SH3GL3: variants seen among roughly 807,000 people sequenced by gnomAD.
The protein encoded by SH3GL3 is endophilin-A3.
In SH3GL3, 33 loss-of-function variants were observed where a neutral mutation model predicts 47.7. That is an observed-to-expected ratio of 0.69 (90% confidence interval 0.52 to 0.92). The LOEUF (loss-of-function observed/expected upper bound fraction) is 0.92. Ranked by LOEUF, SH3GL3 falls within the 40% of genes least tolerant of loss-of-function variation. SH3GL3 has a pLI of 0.00. For missense variants in SH3GL3, 363 were observed against 417.8 expected (o/e 0.87, Z 1.14); for synonymous variants, 155 against 148.8 (o/e 1.04, Z -0.30).
intron 1 of SH3GL3, among the ~76,000 whole-genome samples, chr15:83,514,272 A>T (rs2042890271): frequency 6.6e-6 from 1 of 152,224 alleles, no homozygotes; most frequent in South Asian, 2.1e-4. Flanking sequence ...TCCCACTGGC[A>T]ATTCAGCCCT....
At position 83,576,844 on chromosome 15, in the gene SH3GL3, A is replaced by G. The variant is rs975903800; in HGVS notation, c.624+103A>G. On this transcript the variant is annotated intron_variant, in intron 6 of 8. Transcript: ENST00000427482. ...AAAAACTCTAAAGCAGGAGTGTCCA[A>G]TCTTTTGGCTTCCCTGGGCCACACA... is the stretch of plus-strand genomic sequence containing the variant. 3.2e-5 allele frequency: 23 copies of G among 724,866 alleles called. No individual in the cohort carries two copies. In the East Asian group the frequency reaches 4.7e-4, roughly 15 times the overall value. The allele number at this position is 724,866 out of a possible 1,614,324, so 44.9% of individuals were successfully genotyped here.
At position 83,591,820 on chromosome 15, in the gene SH3GL3, A is replaced by G. The variant is rs566086528; in HGVS notation, c.838+3049A>G. Among the ~76,000 whole-genome samples, 284 of 152,220 alleles carry G rather than the reference A, an allele frequency of 1.9e-3. 3 individuals are homozygous for G. The highest frequency in any genetic ancestry group is 3.0e-3 in the Non-Finnish European group (202 of 67,994). ...CCTGCCTCGGCCCCCCGAGTAGCTG[A>G]GACTACAGGCGCCCGATACCGTGCC... On this transcript the variant is annotated intron_variant, in intron 8 of 8. Coordinates refer to ENST00000427482, the MANE Select transcript of SH3GL3 (RefSeq NM_003027.5).
chr15:83,573,904 A>C (rs1312940801), intron 5 of SH3GL3, among the ~76,000 whole-genome samples: 1 of 152,254 alleles, frequency 6.6e-6, no homozygotes, highest in East Asian at 1.9e-4. Context: ...AAGTAAACAG[A>C]TACCATGCAC....
At chr15:83,624,496 A>T in the SH3GL3 span, among the ~76,000 whole-genome samples, 1 of 152,228 alleles carries the variant, frequency 6.6e-6, no homozygotes, top group African/African-American at 2.4e-5. Context: ...ACGGGGACAA[A>T]TATTAACATC....
chr15:83,575,151 A>C (rs1457355998), intron 5 of SH3GL3, among the ~76,000 whole-genome samples: 1 of 152,198 alleles, frequency 6.6e-6, no homozygotes, highest in Non-Finnish European at 1.5e-5. Context: ...ATTCTAGAGA[A>C]GTGACAGTCT....
At chr15:83,561,349 A>G (rs1380779250) in intron 2 of SH3GL3, among the ~76,000 whole-genome samples, 1 of 151,398 alleles carries the variant, frequency 6.6e-6, no homozygotes, top group Non-Finnish European at 1.5e-5. Flanking sequence ...ATGTAAAAAT[A>G]ATTCTTAGTT....
chr15:83,457,024 A>G (rs2040023744), intron 1 of SH3GL3, among the ~76,000 whole-genome samples: 1 of 152,148 alleles, frequency 6.6e-6, no homozygotes, highest in Admixed American at 6.5e-5. Flanking sequence ...AGCTTACAAT[A>G]TTTACATTTG....
In SH3GL3 at chr15:83,556,257, A is replaced by G. The variant is rs2065419010; in HGVS notation, c.46-2996A>G. 2.0e-5 allele frequency among the ~76,000 whole-genome samples: 3 copies of G among 152,228 alleles called. No individual in the cohort carries two copies. The South Asian group carries it at 6.2e-4, about 31-fold the overall frequency. ...GATGCTCAACAAACAATATTTGTTCATTGACTGACCTCTGAAATATAATTA... is the reference window on the plus strand; with the variant it reads ...GATGCTCAACAAACAATATTTGTTCGTTGACTGACCTCTGAAATATAATTA... On this transcript the variant is annotated intron_variant, in intron 1 of 8. Transcript: ENST00000427482.
chr15:83,552,846 T>C (rs1203963085), intron 1 of SH3GL3, among the ~76,000 whole-genome samples: 1 of 152,166 alleles, frequency 6.6e-6, no homozygotes, highest in African/African-American at 2.4e-5. Flanking sequence ...ACTATTTCAG[T>C]TTTGCTTTAT....
intron 1 of SH3GL3, among the ~76,000 whole-genome samples, chr15:83,505,067 T>C (rs983570760): frequency 2.6e-5 from 4 of 152,186 alleles, no homozygotes; most frequent in African/African-American, 9.7e-5. Flanking sequence ...GCTCATTTTA[T>C]TTGCAATCTA....
intron 1 of SH3GL3, among the ~76,000 whole-genome samples, chr15:83,500,091 T>A (rs1431717368): frequency 6.6e-6 from 1 of 152,190 alleles, no homozygotes; most frequent in African/African-American, 2.4e-5. Context: ...CCAGCTCAGA[T>A]GGAATCATTC....
chr15:83,627,526 A>G, the SH3GL3 span, among the ~76,000 whole-genome samples: 1 of 152,242 alleles, frequency 6.6e-6, no homozygotes, highest in East Asian at 1.9e-4. Flanking sequence ...TAGAGACAGA[A>G]GCACTGCAGA....
At chr15:83,566,389 TGTGTGTGTGTGTGTGTGTA>T (rs1455616386) in intron 3 of SH3GL3, among the ~76,000 whole-genome samples, 1 of 151,430 alleles carries the variant, frequency 6.6e-6, no homozygotes, top group Non-Finnish European at 1.5e-5. Context: ...TGTGTGTGTG[TGTGTGTGTGTGTGTGTGTA>T]GTGTGTGAGA....
chr15:83,513,917 C>T (rs1451564718), intron 1 of SH3GL3, among the ~76,000 whole-genome samples: 1 of 152,138 alleles, frequency 6.6e-6, no homozygotes, highest in Non-Finnish European at 1.5e-5. Flanking sequence ...TAGCTCTTAT[C>T]CTAGAGTGAG....
At chr15:83,631,044 C>A in the SH3GL3 span, among the ~76,000 whole-genome samples, 2 of 152,110 alleles carry the variant, frequency 1.3e-5, no homozygotes, top group Non-Finnish European at 2.9e-5. Flanking sequence ...ACACCTGTTC[C>A]AAATGGGATA....
At chr15:83,592,562 C>T (rs1462586177) in intron 8 of SH3GL3, among the ~76,000 whole-genome samples, 1 of 152,222 alleles carries the variant, frequency 6.6e-6, no homozygotes, top group African/African-American at 2.4e-5. Flanking sequence ...CCTCCCCAAG[C>T]TCTGGCCTGT....
intron 8 of SH3GL3, among the ~76,000 whole-genome samples, chr15:83,610,415 C>T (rs1033053278): frequency 6.6e-5 from 10 of 152,084 alleles, no homozygotes; most frequent in Non-Finnish European, 1.0e-4. Flanking sequence ...TGCCTGTAGT[C>T]CCAGGTACTC....
chr15:83,491,577 C>T (rs925041736), intron 1 of SH3GL3, among the ~76,000 whole-genome samples: 13 of 152,160 alleles, frequency 8.5e-5, no homozygotes, highest in African/African-American at 2.9e-4. Flanking sequence ...CAGAAATTCA[C>T]GTGGTCTTGC....
intron 8 of SH3GL3, among the ~76,000 whole-genome samples, chr15:83,597,440 G>A (rs938409471): frequency 2.6e-5 from 4 of 151,994 alleles, no homozygotes; most frequent in African/African-American, 9.7e-5. Flanking sequence ...TAGGTTCTGG[G>A]GATTAGGAAG....
Sources: allele counts gnomAD v4.1 joint callset (sites outside exome capture counted in the v4.1 genomes callset), GRCh38; gene constraint gnomAD v4.1.1; transcripts MANE v1.5; gene names NCBI Gene and HGNC (gene_info 2026-07-23, HGNC 2026-07-21).